Variants in TNFSF4 observed in about 807,000 individuals in gnomAD.
The protein encoded by TNFSF4 is TNF superfamily member 4.
TNFSF4 carries 4 observed loss-of-function variants against 7.3 expected under a neutral mutation model. The observed-to-expected ratio is 0.55, with a 90% CI of 0.27 to 1.25. The LOEUF (loss-of-function observed/expected upper bound fraction) is 1.25. Ranked by LOEUF, TNFSF4 falls within the 50% of genes most tolerant of loss-of-function variation. The pLI, the probability that TNFSF4 is intolerant of heterozygous loss-of-function variation, is 0.12. For missense variants in TNFSF4, 181 were observed against 208.8 expected, an observed-to-expected ratio of 0.87 and a Z score of 0.82; for synonymous variants, 76 against 83.7, an observed-to-expected ratio of 0.91 and a Z score of 0.50.
chr1:173,178,560 A>T, the TNFSF4 span, among the ~76,000 whole-genome samples: 2 of 152,152 alleles, frequency 1.3e-5, no homozygotes, highest in African/African-American at 4.8e-5. Context: ...GGCGACAGAG[A>T]CAGACTCCGT....
chr1:173,192,529 A>C (rs868531397), intron 1 of TNFSF4, among the ~76,000 whole-genome samples: 9 of 152,306 alleles, frequency 5.9e-5, no homozygotes, highest in Middle Eastern at 3.4e-3. Context: ...ATGGAGATTA[A>C]AAAGATCAGT....
upstream of TNFSF4, among the ~76,000 whole-genome samples, chr1:173,212,009 C>T (rs1265834272): frequency 6.6e-6 from 1 of 152,128 alleles, no homozygotes; most frequent in Non-Finnish European, 1.5e-5. Context: ...CAAGGTTGAA[C>T]ATTTGCATCT....
At chr1:173,412,794 G>A in the TNFSF4 span, among the ~76,000 whole-genome samples, 1 of 152,206 alleles carries the variant, frequency 6.6e-6, no homozygotes, top group Non-Finnish European at 1.5e-5. Flanking sequence ...GAGGTGCTGG[G>A]CTGATGGAAA....
At chr1:173,437,135 T>C in the TNFSF4 span, among the ~76,000 whole-genome samples, 2 of 152,190 alleles carry the variant, frequency 1.3e-5, no homozygotes, top group African/African-American at 2.4e-5. Context: ...CATGACTCTG[T>C]AGAGAGAGGA....
the TNFSF4 span, among the ~76,000 whole-genome samples, chr1:173,442,552 T>TTG: frequency 4.0e-5 from 4 of 100,796 alleles, no homozygotes; most frequent in South Asian, 6.0e-4. Flanking sequence ...TTTGTTTTTG[T>TTG]TTTTTTTTTT....
the TNFSF4 span, among the ~76,000 whole-genome samples, chr1:173,381,849 T>C: frequency 1.3e-5 from 2 of 152,216 alleles, no homozygotes; most frequent in African/African-American, 4.8e-5. Context: ...ATCAGCGCTC[T>C]GTGTCTAGCT....
At chr1:173,433,746 C>T in the TNFSF4 span, among the ~76,000 whole-genome samples, 1 of 151,836 alleles carries the variant, frequency 6.6e-6, no homozygotes, top group Non-Finnish European at 1.5e-5. Flanking sequence ...TTCGATCCAC[C>T]ACAAAGACTT....
chr1:173,175,649 CAGA>C, the TNFSF4 span: 14 of 152,192 alleles, frequency 9.2e-5, no homozygotes, highest in African/African-American at 3.4e-4. Flanking sequence ...GAATTTCTGG[CAGA>C]AGTCTTATGA....
chr1:173,180,475 T>A (rs1649036151), downstream of TNFSF4, among the ~76,000 whole-genome samples: 1 of 152,198 alleles, frequency 6.6e-6, no homozygotes, highest in South Asian at 2.1e-4. Flanking sequence ...TATTATAAAA[T>A]CTACTGCTCT....
At chr1:173,203,304 T>C (rs191863467) in intron 1 of TNFSF4, among the ~76,000 whole-genome samples, 124 of 152,330 alleles carry the variant, frequency 8.1e-4, no homozygotes, top group Non-Finnish European at 1.3e-3. Context: ...TCAATGATTC[T>C]ATATGTTTAA....
chr1:173,306,590 T>C, the TNFSF4 span, among the ~76,000 whole-genome samples: 1 of 151,902 alleles, frequency 6.6e-6, no homozygotes, highest in African/African-American at 2.4e-5. Flanking sequence ...CCTCCATCAC[T>C]AGGAACACTT....
At chr1:173,319,728 G>A in the TNFSF4 span, among the ~76,000 whole-genome samples, 1 of 152,154 alleles carries the variant, frequency 6.6e-6, no homozygotes, top group African/African-American at 2.4e-5. Context: ...GTCTGAAGTG[G>A]ACCTCCAACA....
the TNFSF4 span, among the ~76,000 whole-genome samples, chr1:173,347,570 G>T: frequency 1.3e-5 from 2 of 152,238 alleles, no homozygotes; most frequent in African/African-American, 4.8e-5. Context: ...AATAGACAAA[G>T]CCTTGCATTC....
chr1:173,239,707 T>G, the TNFSF4 span, among the ~76,000 whole-genome samples: 1 of 152,150 alleles, frequency 6.6e-6, no homozygotes, highest in Non-Finnish European at 1.5e-5. Context: ...TTGTCCTCAC[T>G]GGGAGGAGTC....
the TNFSF4 span, among the ~76,000 whole-genome samples, chr1:173,342,684 A>C: frequency 2.1e-4 from 32 of 152,278 alleles, 1 homozygote; most frequent in South Asian, 5.0e-3. Context: ...AACCTCCTAC[A>C]CACTAAGGAA....
the TNFSF4 span, among the ~76,000 whole-genome samples, chr1:173,349,692 T>C: frequency 6.6e-6 from 1 of 152,160 alleles, no homozygotes; most frequent in Non-Finnish European, 1.5e-5. Context: ...GGATGCTCAG[T>C]AAGATAAGAG....
chr1:173,204,806 T>C (rs1160701623), intron 1 of TNFSF4, among the ~76,000 whole-genome samples: 1 of 152,130 alleles, frequency 6.6e-6, no homozygotes, highest in Non-Finnish European at 1.5e-5. Flanking sequence ...GAGTTTTAAA[T>C]GGCTACTAGT....
At chr1:173,323,629 A>C in the TNFSF4 span, among the ~76,000 whole-genome samples, 1 of 152,178 alleles carries the variant, frequency 6.6e-6, no homozygotes, top group Non-Finnish European at 1.5e-5. Flanking sequence ...AATTAGATGA[A>C]TGGATAACTA....
the TNFSF4 span, among the ~76,000 whole-genome samples, chr1:173,369,226 C>T: frequency 5.3e-5 from 8 of 152,190 alleles, no homozygotes; most frequent in African/African-American, 1.9e-4. Context: ...GCCCTCCACT[C>T]CATTTTGAGG....
Sources: allele counts gnomAD v4.1 joint callset (sites outside exome capture counted in the v4.1 genomes callset), GRCh38; gene constraint gnomAD v4.1.1; transcripts MANE v1.5; gene names NCBI Gene and HGNC (gene_info 2026-07-23, HGNC 2026-07-21).